Variants in ZNF362 observed in about 807,000 individuals in gnomAD.
ZNF362 encodes zinc finger protein 362, also known as rotund homolog.
In ZNF362, 11 loss-of-function variants were observed where a neutral mutation model predicts 42.9. The ratio of observed to expected loss-of-function variants is 0.26; its 90% CI spans 0.16 to 0.42. The LOEUF is 0.42. ZNF362 is among the 20% of genes least tolerant of loss of function. The pLI is 1.00. For missense variants in ZNF362, 362 were observed against 576.2 expected, an observed-to-expected ratio of 0.63 and a Z score of 3.81; for synonymous variants, 255 against 257.3, an observed-to-expected ratio of 0.99 and a Z score of 0.09.
chr1:33,197,031 A>C, the ZNF362 span, among the ~76,000 whole-genome samples: 32 of 152,302 alleles, frequency 2.1e-4, no homozygotes, highest in African/African-American at 7.7e-4. Context: ...AGCAGGTGAA[A>C]GAAGGTGGGA....
the ZNF362 span, among the ~76,000 whole-genome samples, chr1:33,229,265 C>G: frequency 0.01 from 1,558 of 152,256 alleles, 28 homozygotes; most frequent in African/African-American, 0.036. Flanking sequence ...TGGGATTTAT[C>G]TGTCTTATGC....
the ZNF362 span, among the ~76,000 whole-genome samples, chr1:33,141,158 C>T: frequency 6.6e-6 from 1 of 152,002 alleles, no homozygotes; most frequent in African/African-American, 2.4e-5. Context: ...TTTGATCACC[C>T]TTTTGCCCCC....
At chr1:33,180,931 G>A in the ZNF362 span, 1 of 886,918 alleles carries the variant, frequency 1.1e-6, no homozygotes, top group African/African-American at 1.8e-5. Context: ...ATTCTGACTG[G>A]GCCTGGCCCG....
chr1:33,292,542 T>C lies in ZNF362; in HGVS notation c.909-2395T>C, dbSNP rs560378952. Among the ~76,000 whole-genome samples, 129 of 152,346 alleles carry C rather than the reference T, an allele frequency of 8.5e-4. 1 individual carries two copies. Among genetic ancestry groups the C allele is most frequent in the Non-Finnish European group, 1.3e-3 (90 of 68,038 alleles). ...GTCTAAAATTCTCTTTTTTTTGTTG[T>C]GTCTCTGCCAGGCTTTGGTATCAGG... On this transcript the variant is annotated intron_variant, in intron 6 of 8. Transcript: ENST00000539719.
At chr1:33,262,625 G>A (rs2148065907) in intron 1 of ZNF362, among the ~76,000 whole-genome samples, 1 of 152,262 alleles carries the variant, frequency 6.6e-6, no homozygotes, top group African/African-American at 2.4e-5. Context: ...GATTCTTGAG[G>A]GGACAGTCTA....
chr1:33,290,434 G>A (rs1646069526), intron 6 of ZNF362, among the ~76,000 whole-genome samples: 1 of 152,000 alleles, frequency 6.6e-6, no homozygotes. Context: ...TGGTGTATAT[G>A]TGCCACATTT....
chr1:33,277,075 G>T (rs74069236), intron 4 of ZNF362, among the ~76,000 whole-genome samples: 6,163 of 152,332 alleles, frequency 0.04, 144 homozygotes, highest in Middle Eastern at 0.085. Flanking sequence ...GACCGTCTGG[G>T]GTGGGGAGGC....
At chr1:33,232,077 G>T in the ZNF362 span, among the ~76,000 whole-genome samples, 9 of 152,164 alleles carry the variant, frequency 5.9e-5, no homozygotes, top group Non-Finnish European at 4.4e-5. Context: ...GCACTCAGAG[G>T]ACAGGGCACT....
chr1:33,159,711 A>G, the ZNF362 span: 1 of 1,610,282 alleles, frequency 6.2e-7, no homozygotes, highest in East Asian at 2.2e-5. This position sits in a 1 kb window ranked among gnomAD's most constrained non-coding sequence, Gnocchi z 4.2. Context: ...AGGCCACCCC[A>G]GCCAGGAAGG....
At chr1:33,256,394 T>G (rs1235647890), upstream of ZNF362, among the ~76,000 whole-genome samples, 3 of 134,736 alleles carry the variant, frequency 2.2e-5, no homozygotes, top group East Asian at 8.1e-4. Flanking sequence ...GCCGGGCGCC[T>G]GGCGCGGGGG....
At chr1:33,290,710 T>C (rs868341555) in intron 6 of ZNF362, among the ~76,000 whole-genome samples, 1 of 152,096 alleles carries the variant, frequency 6.6e-6, no homozygotes, top group African/African-American at 2.4e-5. Flanking sequence ...TTTCTCCATA[T>C]CCTCTCCAGC....
At chr1:33,145,910 A>T in the ZNF362 span, 3 of 471,122 alleles carry the variant, frequency 6.4e-6, no homozygotes, top group South Asian at 3.1e-5. Context: ...TCTGGATCTG[A>T]CTTAAGTTCC....
chr1:33,133,983 C>G, the ZNF362 span, among the ~76,000 whole-genome samples: 1 of 152,216 alleles, frequency 6.6e-6, no homozygotes, highest in African/African-American at 2.4e-5. Flanking sequence ...GCTGTTACCA[C>G]TTACCAGCTG....
the ZNF362 span, among the ~76,000 whole-genome samples, chr1:33,173,595 C>G: frequency 2.0e-5 from 3 of 152,080 alleles, no homozygotes; most frequent in African/African-American, 7.2e-5. Flanking sequence ...CATGCCTGTC[C>G]CTGGTCACAC....
the ZNF362 span, among the ~76,000 whole-genome samples, chr1:33,130,702 G>A: frequency 6.6e-6 from 1 of 152,270 alleles, no homozygotes; most frequent in East Asian, 1.9e-4. Flanking sequence ...GTGGTTTTAA[G>A]TTTTACCTAA....
the ZNF362 span, among the ~76,000 whole-genome samples, chr1:33,135,841 C>T: frequency 6.6e-6 from 1 of 152,214 alleles, no homozygotes; most frequent in Non-Finnish European, 1.5e-5. Context: ...TTGCCTATCT[C>T]AGTGCCTAGC....
intron 1 of ZNF362, among the ~76,000 whole-genome samples, chr1:33,265,806 C>T (rs1265949927): frequency 6.6e-6 from 1 of 152,122 alleles, no homozygotes; most frequent in Non-Finnish European, 1.5e-5. Context: ...CCTCCCATGT[C>T]CCCCCTATGT....
chr1:33,262,531 T>C (rs1326418488), intron 1 of ZNF362, among the ~76,000 whole-genome samples: 2 of 152,016 alleles, frequency 1.3e-5, no homozygotes, highest in African/African-American at 4.8e-5. Flanking sequence ...ATGGTCTCGA[T>C]CTCCTGACCT....
At chr1:33,215,169 ATAAT>A in the ZNF362 span, among the ~76,000 whole-genome samples, 1 of 152,240 alleles carries the variant, frequency 6.6e-6, no homozygotes, top group Non-Finnish European at 1.5e-5. Flanking sequence ...ATCCATAAAA[ATAAT>A]TAAATTCTGT....
Sources: gnomAD v4.1 joint callset for allele counts (sites outside exome capture counted in the v4.1 genomes callset) on GRCh38, gnomAD v4.1.1 for gene constraint, Gnocchi (gnomAD v3.1) non-coding constraint, MANE v1.5 for transcripts, NCBI Gene and HGNC (gene_info 2026-07-23, HGNC 2026-07-21) for gene names.